The following ANXA13 variants were observed in gnomAD, a reference collection of about 807,000 sequenced individuals.
ANXA13 encodes the protein annexin A13.
Under a neutral mutation model 46.6 loss-of-function variants are expected in ANXA13, and 36 were observed. That is an observed-to-expected ratio of 0.77 (90% CI 0.59 to 1.02). The LOEUF (loss-of-function observed/expected upper bound fraction) is 1.02. ANXA13 is among the 50% of genes least tolerant of loss of function. The pLI is 0.00. For synonymous variants in ANXA13, 163 were observed against 152.9 expected (o/e 1.07, Z -0.49); for missense variants, 417 against 396.5 (o/e 1.05, Z -0.44).
At chr8:123,698,243 T>C in intron 4 of ANXA13, 146 bp downstream of exon 4, 1 of 789,224 alleles carries the variant, frequency 1.3e-6, no homozygotes, top group South Asian at 2.0e-5. Flanking sequence ...AGAGATGTCC[T>C]CCCACATGGA....
At position 123,696,775 on chromosome 8, in the gene ANXA13, CT is replaced by C. The variant is rs1258529480; in HGVS notation, c.358-1055del. Among the ~76,000 whole-genome samples, 9 of 152,290 alleles carry C rather than the reference CT, an allele frequency of 5.9e-5. No homozygotes were observed. The East Asian group carries it at 1.7e-3, about 29-fold the overall frequency. The stretch of plus-strand genomic sequence containing the variant: ...GATCTGCCTGAACCTGGCACCCACT[CT>C]CTGCAGGTTTTTCTTCTCATCCCAT... On this transcript the variant is annotated intron_variant, in intron 4 of 10. Coordinates refer to ENST00000419625, the MANE Select transcript of ANXA13 (RefSeq NM_004306.4).
At chr8:123,706,587 C>T (rs1300339500) in intron 2 of ANXA13, among the ~76,000 whole-genome samples, 2 of 152,224 alleles carry the variant, frequency 1.3e-5, no homozygotes, top group African/African-American at 2.4e-5. Context: ...TCCACCCCAT[C>T]GCTCAGCAGA....
intron 4 of ANXA13, 46 bp from the exon 5 acceptor site, chr8:123,695,767 TA>T: frequency 6.6e-7 from 1 of 1,518,186 alleles, no homozygotes; most frequent in Non-Finnish European, 9.1e-7. Flanking sequence ...AAGGAGGGAT[TA>T]ATCAATAAGA....
intron 2 of ANXA13, among the ~76,000 whole-genome samples, chr8:123,706,096 C>T: frequency 6.6e-6 from 1 of 152,226 alleles, no homozygotes; most frequent in East Asian, 1.9e-4. Flanking sequence ...AGGAGGATCT[C>T]ACTTGCAAAA....
intron 1 of ANXA13, among the ~76,000 whole-genome samples, chr8:123,726,294 G>A (rs958354517): frequency 9.2e-5 from 14 of 152,220 alleles, no homozygotes; most frequent in African/African-American, 2.9e-4. Context: ...TGGGTTACAC[G>A]TGTTGATGTG....
rs550298921 is a variant in ANXA13, at chr8:123,693,251, G to C, written c.588C>G (p.Val196=). The change falls in exon 8 of 11, where the codon GTC becomes GTG. Residue 196 remains valine, a synonymous_variant. Coordinates refer to ENST00000419625, the MANE Select transcript of ANXA13 (RefSeq NM_004306.4). The stretch of plus-strand genomic sequence containing the variant: ...ACTGCTTGTAGCTCCTCTTGGCCAG[G>C]ACTTCATTGAACGCAAGCTCATCAG... ...WGTDELAFNE[V]LAKRSYKQLR... is the part of the protein sequence containing the mutation. 6.8e-6 allele frequency: 11 copies of C among 1,614,102 alleles called. No homozygotes were observed. In the South Asian group the frequency reaches 1.2e-4, roughly 18 times the overall value.
chr8:123,704,716 C>T (rs1347213720), intron 2 of ANXA13, among the ~76,000 whole-genome samples: 6 of 152,100 alleles, frequency 3.9e-5, no homozygotes, highest in Non-Finnish European at 7.4e-5. Context: ...CAATTCTTTG[C>T]GTGAAACACC....
chr8:123,693,332 C>T (rs1813275331), intron 7 of ANXA13, 34 bp from the exon 8 acceptor site: 2 of 1,593,880 alleles, frequency 1.3e-6, no homozygotes, highest in Non-Finnish European at 1.7e-6. Flanking sequence ...TTGAAAAAGG[C>T]TTTTGTGAAA....
chr8:123,724,635 G>C (rs1813947718), intron 1 of ANXA13, among the ~76,000 whole-genome samples: 1 of 152,198 alleles, frequency 6.6e-6, no homozygotes, highest in Non-Finnish European at 1.5e-5. Flanking sequence ...AAATCTTAAA[G>C]TGAAAATTGA....
At chr8:123,727,297 G>C (rs1431430327) in intron 1 of ANXA13, among the ~76,000 whole-genome samples, 4 of 152,256 alleles carry the variant, frequency 2.6e-5, no homozygotes, top group Admixed American at 2.6e-4. Flanking sequence ...ATCAACAGGA[G>C]GATAAGGGTC....
chr8:123,731,713 A>C (rs1814122093), intron 1 of ANXA13, among the ~76,000 whole-genome samples: 1 of 152,000 alleles, frequency 6.6e-6, no homozygotes, highest in African/African-American at 2.4e-5. Context: ...CATCTCTACA[A>C]AAAATTAAAA....
At chr8:123,722,815 G>A (rs1813909907) in intron 1 of ANXA13, among the ~76,000 whole-genome samples, 1 of 152,118 alleles carries the variant, frequency 6.6e-6, no homozygotes, top group Admixed American at 6.5e-5. Context: ...GGAGGAAGTG[G>A]CCCTTCTGCC....
intron 10 of ANXA13, among the ~76,000 whole-genome samples, chr8:123,684,313 GC>G (rs1813096117): frequency 6.6e-6 from 1 of 152,184 alleles, no homozygotes; most frequent in African/African-American, 2.4e-5. Flanking sequence ...TTAACATGGA[GC>G]CATGCATAGC....
intron 8 of ANXA13, among the ~76,000 whole-genome samples, chr8:123,691,828 A>C (rs1418264052): frequency 6.6e-6 from 1 of 152,224 alleles, no homozygotes; most frequent in Non-Finnish European, 1.5e-5. Flanking sequence ...GTGCTGTTTC[A>C]GGATCAACTT....
At chr8:123,696,560 C>G (rs13249639) in intron 4 of ANXA13, among the ~76,000 whole-genome samples, 62,678 of 151,568 alleles carry the variant, frequency 0.41, 13,344 homozygotes, top group Middle Eastern at 0.52. Context: ...GCTCCCCCAC[C>G]CCCCCCACCA....
intron 4 of ANXA13, among the ~76,000 whole-genome samples, chr8:123,697,777 G>A (rs2129855928): frequency 6.6e-6 from 1 of 152,326 alleles, no homozygotes; most frequent in East Asian, 1.9e-4. Context: ...GAGTCCCTTG[G>A]TTCTCCTGGC....
intron 2 of ANXA13, among the ~76,000 whole-genome samples, chr8:123,711,045 C>T (rs991349019): frequency 6.6e-6 from 1 of 152,138 alleles, no homozygotes; most frequent in Non-Finnish European, 1.5e-5. Context: ...TGGGCTGGAG[C>T]CATGAGAAAC....
At chr8:123,699,207 G>T (rs772080090) in intron 3 of ANXA13, among the ~76,000 whole-genome samples, 2 of 152,016 alleles carry the variant, frequency 1.3e-5, no homozygotes, top group Non-Finnish European at 2.9e-5. Context: ...TTTGAGACAG[G>T]GTGACTTTGT....
intron 6 of ANXA13, among the ~76,000 whole-genome samples, chr8:123,694,310 G>A (rs1486569107): frequency 6.6e-6 from 1 of 152,210 alleles, no homozygotes; most frequent in Non-Finnish European, 1.5e-5. Flanking sequence ...ATGGCAAAGG[G>A]GAATTTTGCA....
Sources: gnomAD v4.1 joint callset for allele counts (sites outside exome capture counted in the v4.1 genomes callset) on GRCh38, gnomAD v4.1.1 for gene constraint, MANE v1.5 for transcripts, NCBI Gene and HGNC (gene_info 2026-07-23, HGNC 2026-07-21) for gene names.